Variants in LINGO2 observed in about 807,000 individuals in gnomAD.
The protein encoded by LINGO2 is leucine rich repeat and Ig domain containing 2, also known as leucine-rich repeat and immunoglobulin-like domain-containing nogo receptor-interacting protein 2.
A neutral mutation model predicts 30.6 loss-of-function variants in LINGO2; 14 were observed. The ratio of observed to expected loss-of-function variants is 0.46; its 90% CI spans 0.30 to 0.72. The LOEUF is 0.72. Among genes scored for constraint, LINGO2 ranks in the 30% least tolerant of loss-of-function variants. The pLI is 0.07. For synonymous variants in LINGO2, 317 were observed against 288.5 expected (o/e 1.10, Z -1.00); for missense variants, 729 against 751.7 (o/e 0.97, Z 0.35).
chr9:29,029,531 A>G, the LINGO2 span, among the ~76,000 whole-genome samples: 1 of 152,128 alleles, frequency 6.6e-6, no homozygotes, highest in Non-Finnish European at 1.5e-5. Context: ...CCAGAAACCC[A>G]TTATTTGATT....
At chr9:28,213,569 C>T (rs1409298530) in intron 4 of LINGO2, among the ~76,000 whole-genome samples, 2 of 151,030 alleles carry the variant, frequency 1.3e-5, no homozygotes, top group African/African-American at 2.4e-5. Context: ...CCTTTTTTTT[C>T]TCTTTAAAAG....
the LINGO2 span, among the ~76,000 whole-genome samples, chr9:28,994,417 C>A: frequency 6.6e-6 from 1 of 151,900 alleles, no homozygotes; most frequent in East Asian, 1.9e-4. Flanking sequence ...TAGGAAGAAT[C>A]AATATCGTGA....
the LINGO2 span, among the ~76,000 whole-genome samples, chr9:28,934,917 T>A: frequency 6.6e-6 from 1 of 152,108 alleles, no homozygotes; most frequent in Non-Finnish European, 1.5e-5. Flanking sequence ...CCATTTAAAT[T>A]GCAGTATTCT....
the LINGO2 span, among the ~76,000 whole-genome samples, chr9:28,897,910 CA>C: frequency 3.3e-5 from 5 of 151,910 alleles, no homozygotes; most frequent in African/African-American, 1.2e-4. Flanking sequence ...TTATTTAAAT[CA>C]AAATCAAACT....
intron 3 of LINGO2, among the ~76,000 whole-genome samples, chr9:28,338,211 A>G (rs1318997704): frequency 2.0e-5 from 3 of 152,034 alleles, no homozygotes; most frequent in African/African-American, 7.2e-5. Flanking sequence ...TTTAGTTTTG[A>G]CCTTTAATAT....
chr9:29,108,874 A>C, the LINGO2 span, among the ~76,000 whole-genome samples: 1 of 152,194 alleles, frequency 6.6e-6, no homozygotes, highest in Non-Finnish European at 1.5e-5. Flanking sequence ...GTGATTGCAA[A>C]GTCTGTTTAT....
In LINGO2 at chr9:28,531,695, G is replaced by A. The variant is rs576867276; in HGVS notation, c.-364-55670C>T. Among the ~76,000 whole-genome samples, 12 of 151,900 alleles carry A rather than the reference G, an allele frequency of 7.9e-5. No homozygotes were observed. In the South Asian group the frequency reaches 8.3e-4, roughly 11 times the overall value. On this transcript the variant is annotated intron_variant, in intron 1 of 5. Transcript: ENST00000379992. Reference sequence around the variant, plus strand: ...CAATATATATTTAATTTCCAAATACGTATTCACTTTATTTGTATTAACATT... The same window carrying A: ...CAATATATATTTAATTTCCAAATACATATTCACTTTATTTGTATTAACATT...
chr9:29,024,163 A>C, the LINGO2 span, among the ~76,000 whole-genome samples: 1 of 152,124 alleles, frequency 6.6e-6, no homozygotes, highest in Admixed American at 6.6e-5. Context: ...TGGCCAAAAT[A>C]TAGATCTGAT....
the LINGO2 span, among the ~76,000 whole-genome samples, chr9:29,026,283 C>G: frequency 1.3e-5 from 2 of 152,082 alleles, no homozygotes; most frequent in African/African-American, 4.8e-5. Context: ...CCCTCCTCAG[C>G]CTTCTAAAGG....
At chr9:28,645,852 C>T (rs7040660) in intron 1 of LINGO2, among the ~76,000 whole-genome samples, 57,171 of 151,812 alleles carry the variant, frequency 0.38, 12,045 homozygotes, top group African/African-American at 0.55. Flanking sequence ...CCTTATTAGG[C>T]AACTGTCTTG....
At chr9:28,128,288 A>G (rs1827293905) in intron 4 of LINGO2, among the ~76,000 whole-genome samples, 1 of 152,224 alleles carries the variant, frequency 6.6e-6, no homozygotes, top group Non-Finnish European at 1.5e-5. Flanking sequence ...TGCTCTTTCC[A>G]TCATAACTGG....
At chr9:29,146,292 T>C in the LINGO2 span, among the ~76,000 whole-genome samples, 1 of 151,966 alleles carries the variant, frequency 6.6e-6, no homozygotes, top group East Asian at 1.9e-4. Context: ...GAGGCAGACG[T>C]TGCAGTGAGT....
chr9:28,322,606 A>G (rs1825087992), intron 3 of LINGO2, among the ~76,000 whole-genome samples: 1 of 152,194 alleles, frequency 6.6e-6, no homozygotes, highest in South Asian at 2.1e-4. Flanking sequence ...TGTATGGCAT[A>G]ATTCAAAGTC....
chr9:29,186,638 T>C, the LINGO2 span, among the ~76,000 whole-genome samples: 1 of 152,056 alleles, frequency 6.6e-6, no homozygotes, highest in Non-Finnish European at 1.5e-5. Flanking sequence ...TCATTATTAG[T>C]ATGGTTGACG....
At chr9:29,120,591 T>G in the LINGO2 span, among the ~76,000 whole-genome samples, 1 of 152,318 alleles carries the variant, frequency 6.6e-6, no homozygotes, top group Admixed American at 6.5e-5. Context: ...ACCAATGCTC[T>G]AATTAAATGG....
At chr9:27,961,423 C>T (rs1030907041) in intron 5 of LINGO2, among the ~76,000 whole-genome samples, 12 of 152,126 alleles carry the variant, frequency 7.9e-5, no homozygotes, top group Admixed American at 2.0e-4. Context: ...ACAGACATAG[C>T]GAATAGTGTT....
At chr9:28,777,264 T>C in the LINGO2 span, among the ~76,000 whole-genome samples, 1 of 152,334 alleles carries the variant, frequency 6.6e-6, no homozygotes, top group South Asian at 2.1e-4. Flanking sequence ...TATATGCATG[T>C]TGAACAATTG....
intron 2 of LINGO2, among the ~76,000 whole-genome samples, chr9:28,428,111 T>G (rs1343529581): frequency 2.0e-5 from 3 of 152,126 alleles, no homozygotes; most frequent in Non-Finnish European, 4.4e-5. Flanking sequence ...TATTCCTTAA[T>G]CATAAAAAGG....
the LINGO2 span, among the ~76,000 whole-genome samples, chr9:29,163,889 A>C: frequency 6.6e-6 from 1 of 152,138 alleles, no homozygotes. Context: ...GTTAACTGCT[A>C]ATCAAAGGAG....
Sources: allele counts gnomAD v4.1 joint callset (sites outside exome capture counted in the v4.1 genomes callset), GRCh38; gene constraint gnomAD v4.1.1; transcripts MANE v1.5; gene names NCBI Gene and HGNC (gene_info 2026-07-23, HGNC 2026-07-21).